Variants in COL26A1 observed in about 807,000 individuals in gnomAD.
COL26A1 encodes collagen alpha-1(XXVI) chain.
A neutral mutation model predicts 59.3 loss-of-function variants in COL26A1; 41 were observed. The observed-to-expected ratio is 0.69, with a 90% CI of 0.54 to 0.90. The LOEUF (loss-of-function observed/expected upper bound fraction) is 0.90, where lower values mean the gene tolerates loss of function less well. Ranked by LOEUF, COL26A1 falls within the 40% of genes least tolerant of loss-of-function variation. The pLI is 0.00. For synonymous variants in COL26A1, 266 were observed against 256.0 expected, an observed-to-expected ratio of 1.04 and a Z score of -0.37; for missense variants, 612 against 602.3, an observed-to-expected ratio of 1.02 and a Z score of -0.17.
At chr7:101,497,400 T>C (rs1794613729) in intron 3 of COL26A1, among the ~76,000 whole-genome samples, 1 of 151,850 alleles carries the variant, frequency 6.6e-6, no homozygotes, top group Admixed American at 6.6e-5. Context: ...CCTGGCCACA[T>C]GCAGTGGCTC....
intron 3 of COL26A1, among the ~76,000 whole-genome samples, chr7:101,494,791 G>A (rs781745775): frequency 1.0e-3 from 159 of 152,336 alleles, no homozygotes; most frequent in Non-Finnish European, 1.4e-3. Flanking sequence ...TGGTATGAAC[G>A]TGACTTGGCT....
At chr7:101,536,570 TC>T (rs1475560333) in intron 4 of COL26A1, among the ~76,000 whole-genome samples, 2 of 152,124 alleles carry the variant, frequency 1.3e-5, no homozygotes, top group Non-Finnish European at 2.9e-5. Context: ...GGCAGGCAGA[TC>T]CCAGACAGGG....
chr7:101,420,147 C>T lies in COL26A1; in HGVS notation c.281+48C>T, dbSNP rs201169925. 1.0e-4 allele frequency: 168 copies of T among 1,602,354 alleles called. 1 individual carries two copies. Among genetic ancestry groups the T allele is most frequent in the Admixed American group, 9.8e-4 (59 of 59,940 alleles). On this transcript the variant is annotated intron_variant, in intron 2 of 12. Transcript: ENST00000313669. ...GCTCTGCCCTTCCCTCCCATTCCCT[C>T]GGACAAAACCAGTCCCAGGATGGCT...
intron 1 of COL26A1, among the ~76,000 whole-genome samples, chr7:101,373,571 C>T (rs760167322): frequency 5.3e-5 from 8 of 152,158 alleles, no homozygotes; most frequent in African/African-American, 1.2e-4. Flanking sequence ...TTTGGGACAC[C>T]GAGGCAGTGC....
At chr7:101,425,760 G>C (rs1375501549) in intron 2 of COL26A1, among the ~76,000 whole-genome samples, 1 of 151,088 alleles carries the variant, frequency 6.6e-6, no homozygotes, top group Admixed American at 6.6e-5. Flanking sequence ...GCCTCCCTCG[G>C]CCTCCCAAAG....
chr7:101,397,739 G>A (rs1159889124), intron 1 of COL26A1, among the ~76,000 whole-genome samples: 1 of 152,030 alleles, frequency 6.6e-6, no homozygotes, highest in Non-Finnish European at 1.5e-5. Flanking sequence ...CATCTTGCTA[G>A]GTTGCCCAGG....
chr7:101,510,906 T>TTC (rs1554425447), intron 3 of COL26A1, among the ~76,000 whole-genome samples: 8,725 of 146,470 alleles, frequency 0.06, 531 homozygotes, highest in African/African-American at 0.15. Flanking sequence ...TTCTTTTTTT[T>TTC]TTTTTTTTTT....
chr7:101,403,184 A>C (rs866441182), intron 1 of COL26A1, among the ~76,000 whole-genome samples: 3 of 152,116 alleles, frequency 2.0e-5, no homozygotes, highest in African/African-American at 7.2e-5. Context: ...CCATAGAGAG[A>C]TGGTTTCAGG....
rs181815119 is a variant in COL26A1 at position 101,456,286 on chromosome 7, A to G, written c.385+8499A>G. Among the ~76,000 whole-genome samples, 1,196 of 151,296 alleles carry G rather than the reference A, an allele frequency of 7.9e-3. 19 individuals are homozygous for G. Among genetic ancestry groups the G allele is most frequent in the African/African-American group, 0.028 (1,134 of 41,190 alleles). ...GGGTGCAGTGGTGTGATCATGGCTC[A>G]CTGCAACCTTGACCTCCCAGGCTCA... On this transcript the variant is annotated intron_variant, in intron 3 of 12. Coordinates refer to ENST00000313669, the MANE Select transcript of COL26A1 (RefSeq NM_001278563.3).
rs374492779 is a variant in COL26A1, at chr7:101,364,893, C to T, written c.158+1703C>T. ...CCCAGATCTGGTGTTTTCTAGCATA[C>T]TGCTCTGCCTATCAAAGCTAAAAGA... On this transcript the variant is annotated intron_variant, in intron 1 of 12. Transcript: ENST00000313669. Among the ~76,000 whole-genome samples the T allele has an allele frequency of 3.3e-5, 5 of 152,308 alleles. No homozygotes were observed. The East Asian group carries it at 9.6e-4, about 29-fold the overall frequency.
intron 3 of COL26A1, among the ~76,000 whole-genome samples, chr7:101,468,333 A>G (rs1454960958): frequency 1.3e-5 from 2 of 152,018 alleles, no homozygotes; most frequent in African/African-American, 2.4e-5. Flanking sequence ...ATTATTTTGC[A>G]GCTGCTTTTT....
chr7:101,378,805 C>A (rs746503969), intron 1 of COL26A1, among the ~76,000 whole-genome samples: 2 of 152,056 alleles, frequency 1.3e-5, no homozygotes, highest in African/African-American at 4.8e-5. Flanking sequence ...CGAGAATCTC[C>A]GACAGTTCCC....
Position 101,447,714 on chromosome 7 carries a change from A to C in COL26A1, c.312A>C (p.Arg104Ser). The C allele has an allele frequency of 6.2e-7, 1 of 1,605,084 alleles. No individual in the cohort carries two copies. The highest frequency in any genetic ancestry group is 1.1e-5 in the South Asian group (1 of 88,890). ...GGACTCTGATCAGACCCACCTACAG[A>C]GTGTCCTACCGCACGGTGACGGTGC... ...SYRTLIRPTY[R>S]VSYRTVTVLE... Residue 104 changes from arginine to serine, a missense_variant, in exon 3 of 13, where the codon AGA becomes AGC. Physicochemically the swap from Arg to Ser is moderately radical, Grantham distance 110. Transcript: ENST00000313669.
Position 101,489,747 on chromosome 7 carries a change from TTCTTG to T in COL26A1, c.385+41964_385+41968del, listed in dbSNP as rs1584455835. 1.2e-4 allele frequency among the ~76,000 whole-genome samples: 8 copies of T among 68,352 alleles called. 2 individuals carry two copies. The highest frequency in any genetic ancestry group is 4.9e-4 in the East Asian group (2 of 4,068). The allele number at this position is 68,352 out of a possible 152,430, so 44.8% of individuals were successfully genotyped here. ...TTTCTCTCTCTCTTTCTCTCTTTCT[TTCTTG>T]TCTCTCTTTCTTTCTTTCTTTCTTT... On this transcript the variant is annotated intron_variant, in intron 3 of 12. Coordinates refer to ENST00000313669, the MANE Select transcript of COL26A1 (RefSeq NM_001278563.3).
chr7:101,457,953 A>C (rs1299350507), intron 3 of COL26A1, among the ~76,000 whole-genome samples: 1 of 149,888 alleles, frequency 6.7e-6, no homozygotes, highest in Admixed American at 6.7e-5. Flanking sequence ...CAGGAGAGCA[A>C]TGGCACGATC....
intron 1 of COL26A1, among the ~76,000 whole-genome samples, chr7:101,407,185 T>A (rs185141084): frequency 4.8e-4 from 73 of 152,286 alleles, no homozygotes; most frequent in Middle Eastern, 3.4e-3. Context: ...TCCTGAGTGA[T>A]GCCTGTCTCC....
intron 3 of COL26A1, among the ~76,000 whole-genome samples, chr7:101,502,836 G>A (rs1328757819): frequency 3.9e-5 from 6 of 152,190 alleles, no homozygotes; most frequent in Non-Finnish European, 7.3e-5. Flanking sequence ...TTACAGGAAC[G>A]GGCACTCCCT....
chr7:101,362,639 A>G (rs1462126369), upstream of COL26A1, among the ~76,000 whole-genome samples: 1 of 152,086 alleles, frequency 6.6e-6, no homozygotes, highest in East Asian at 1.9e-4. Context: ...CGCGGACCCG[A>G]AGAAGGTTTG....
At chr7:101,412,466 G>A (rs1161231887) in intron 1 of COL26A1, among the ~76,000 whole-genome samples, 1 of 151,994 alleles carries the variant, frequency 6.6e-6, no homozygotes, top group Non-Finnish European at 1.5e-5. Flanking sequence ...TTAATATGGT[G>A]AAACCCCCTC....
Sources: gnomAD v4.1 joint callset for allele counts (sites outside exome capture counted in the v4.1 genomes callset) on GRCh38, gnomAD v4.1.1 for gene constraint, MANE v1.5 for transcripts, NCBI Gene and HGNC (gene_info 2026-07-23, HGNC 2026-07-21) for gene names.